The following DPP10 variants were observed in gnomAD, a reference collection of about 807,000 sequenced individuals.
DPP10 encodes the protein dipeptidyl peptidase like 10.
DPP10 carries 33 observed loss-of-function variants against 120.9 expected under a neutral mutation model. That is an observed-to-expected ratio of 0.27 (90% CI 0.21 to 0.37). The LOEUF (loss-of-function observed/expected upper bound fraction) is 0.37, where lower values mean the gene tolerates loss of function less well. Among genes scored for constraint, DPP10 ranks in the 10% least tolerant of loss-of-function variants. DPP10 has a pLI of 1.00. For synonymous variants in DPP10, 337 were observed against 326.1 expected, an observed-to-expected ratio of 1.03 and a Z score of -0.36; for missense variants, 816 against 942.8, an observed-to-expected ratio of 0.87 and a Z score of 1.76.
intron 1 of DPP10, among the ~76,000 whole-genome samples, chr2:114,655,964 T>C (rs1423894765): frequency 6.6e-6 from 1 of 152,140 alleles, no homozygotes; most frequent in African/African-American, 2.4e-5. Context: ...CAATCAAATT[T>C]AGCAGTCCTA....
chr2:114,505,008 C>T (rs147479462), intron 1 of DPP10, among the ~76,000 whole-genome samples: 1,504 of 139,362 alleles, frequency 0.011, 26 homozygotes, highest in African/African-American at 0.038. Flanking sequence ...GCCAACATCG[C>T]GCCACTGCAC....
intron 4 of DPP10, among the ~76,000 whole-genome samples, chr2:115,512,264 C>A (rs2077272653): frequency 6.6e-6 from 1 of 151,922 alleles, no homozygotes; most frequent in Non-Finnish European, 1.5e-5. Context: ...CCATGTCTAG[C>A]TAAATTTTTA....
At chr2:114,927,690 A>G (rs1292924264) in intron 1 of DPP10, among the ~76,000 whole-genome samples, 1 of 152,184 alleles carries the variant, frequency 6.6e-6, no homozygotes, top group Non-Finnish European at 1.5e-5. Flanking sequence ...TTCCTTTCAC[A>G]GTATCTTAGT....
At chr2:114,598,261 G>A (rs1271332192) in intron 1 of DPP10, among the ~76,000 whole-genome samples, 2 of 151,896 alleles carry the variant, frequency 1.3e-5, no homozygotes, top group African/African-American at 4.8e-5. Flanking sequence ...GAAGGAGACT[G>A]AATTTCATTT....
In DPP10 at chr2:115,791,442, G is replaced by T. The variant is rs892785607; in HGVS notation, c.1700+86G>T. 5.0e-6 allele frequency: 6 copies of T among 1,203,880 alleles called. No homozygotes were observed. The South Asian group carries it at 7.6e-5, about 15-fold the overall frequency. 74.6% of individuals were successfully genotyped at this position (1,203,880 alleles called of 1,614,324 possible). Reference sequence around the variant, plus strand: ...ACATGACAACATTTGATTCAATAAAGAAGAGAAGTCCTATGTGTGTAGTTA... The same window carrying T: ...ACATGACAACATTTGATTCAATAAATAAGAGAAGTCCTATGTGTGTAGTTA... On this transcript the variant is annotated intron_variant, in intron 19 of 25. Coordinates refer to ENST00000410059, the MANE Select transcript of DPP10 (RefSeq NM_020868.6).
chr2:114,461,469 A>G (rs1678912732), intron 1 of DPP10: 9 of 600,946 alleles, frequency 1.5e-5, no homozygotes, highest in African/African-American at 2.0e-5. Context: ...GGTTGCCTTT[A>G]CTTAGGATTT....
chr2:115,417,591 C>T (rs952055717), intron 3 of DPP10, among the ~76,000 whole-genome samples: 5 of 152,004 alleles, frequency 3.3e-5, no homozygotes, highest in South Asian at 2.1e-4. Context: ...TATGTCACCC[C>T]GCTTTAGATA....
rs560798021 is a variant in DPP10 at position 114,467,767 on chromosome 2, A to C, written c.60+24929A>C. Among the ~76,000 whole-genome samples the C allele has an allele frequency of 2.6e-5, 4 of 152,302 alleles. No individual in the cohort carries two copies. In the South Asian group the frequency reaches 8.3e-4, roughly 32 times the overall value. Reference sequence around the variant, plus strand: ...GTAATCCCAGCACTTTAGGAGGTTTAGGTGGGTGGATAGCTTGAGCCCAGA... The same window carrying C: ...GTAATCCCAGCACTTTAGGAGGTTTCGGTGGGTGGATAGCTTGAGCCCAGA... On this transcript the variant is annotated intron_variant, in intron 1 of 25. Coordinates refer to ENST00000410059, the MANE Select transcript of DPP10 (RefSeq NM_020868.6).
intron 11 of DPP10, among the ~76,000 whole-genome samples, chr2:115,757,768 A>G (rs1679608293): frequency 8.7e-6 from 1 of 114,338 alleles, no homozygotes; most frequent in African/African-American, 2.7e-5. Context: ...AATATTGAAA[A>G]CCAATCAATA....
intron 2 of DPP10, among the ~76,000 whole-genome samples, chr2:115,334,228 C>CTTTTTTTTTTTTTTTTTTTTTTTTTTTTT (rs1393213758): frequency 1.8e-4 from 4 of 22,332 alleles, no homozygotes; most frequent in Non-Finnish European, 5.2e-4. Context: ...AGAGCAGACT[C>CTTTTTTTTTTTTTTTTTTTTTTTTTTTTT]TGTTTTTTTT....
At position 114,777,545 on chromosome 2, in the gene DPP10, G is replaced by A. The variant is rs1681872357; in HGVS notation, c.60+334707G>A. On this transcript the variant is annotated intron_variant, in intron 1 of 25. Coordinates refer to ENST00000410059, the MANE Select transcript of DPP10 (RefSeq NM_020868.6). ...GTTACAGTCATAAACAGCAAGGAAA[G>A]AAGGAAGTTTGACCAAATGCAAATG... Among the ~76,000 whole-genome samples the A allele has an allele frequency of 1.3e-5, 2 of 152,082 alleles. 1 individual carries two copies. The highest frequency in any genetic ancestry group is 4.1e-4 in the South Asian group (2 of 4,822).
intron 3 of DPP10, among the ~76,000 whole-genome samples, chr2:115,394,699 A>G (rs1204452829): frequency 6.6e-6 from 1 of 152,186 alleles, no homozygotes; most frequent in Non-Finnish European, 1.5e-5. Context: ...AGTCTAACCA[A>G]AGGGACTTTT....
At chr2:115,370,738 G>C (rs1448771605) in intron 3 of DPP10, among the ~76,000 whole-genome samples, 1 of 152,046 alleles carries the variant, frequency 6.6e-6, no homozygotes. Context: ...ATTTTAGCAT[G>C]TATCAGAATC....
chr2:114,475,235 A>G (rs1680274737), intron 1 of DPP10, among the ~76,000 whole-genome samples: 1 of 152,028 alleles, frequency 6.6e-6, no homozygotes, highest in Admixed American at 6.6e-5. Flanking sequence ...ATCCTTCAGG[A>G]CTCACCTTTC....
At chr2:115,212,923 A>C (rs2056608573) in intron 1 of DPP10, among the ~76,000 whole-genome samples, 2 of 152,126 alleles carry the variant, frequency 1.3e-5, no homozygotes, top group African/African-American at 4.8e-5. Flanking sequence ...GAAAGAGTCT[A>C]TTTTACTTCT....
chr2:115,469,884 G>GGAAAAAAAAAA (rs1558709609), intron 3 of DPP10, among the ~76,000 whole-genome samples: 3 of 75,512 alleles, frequency 4.0e-5, no homozygotes, highest in Non-Finnish European at 5.6e-5. Context: ...GGCAACAAGA[G>GGAAAAAAAAAA]AAAAAAAAAA....
chr2:115,038,117 C>T (rs374982738), intron 1 of DPP10, among the ~76,000 whole-genome samples: 5 of 151,970 alleles, frequency 3.3e-5, no homozygotes, highest in Non-Finnish European at 7.4e-5. Flanking sequence ...GATGGGTTAT[C>T]GTCTGGATAT....
intron 3 of DPP10, among the ~76,000 whole-genome samples, chr2:115,393,784 C>A (rs2067482354): frequency 6.6e-6 from 1 of 152,082 alleles, no homozygotes; most frequent in African/African-American, 2.4e-5. Flanking sequence ...AGGGTGGTTT[C>A]TAGGAGTGGC....
intron 2 of DPP10, among the ~76,000 whole-genome samples, chr2:115,334,916 T>C (rs1312930162): frequency 1.4e-5 from 2 of 142,348 alleles, no homozygotes; most frequent in African/African-American, 5.1e-5. Flanking sequence ...AGGATATATC[T>C]TTTTTTTTTT....
Sources: allele counts gnomAD v4.1 joint callset (sites outside exome capture counted in the v4.1 genomes callset), GRCh38; gene constraint gnomAD v4.1.1; transcripts MANE v1.5; gene names NCBI Gene and HGNC (gene_info 2026-07-23, HGNC 2026-07-21).